The following TRIM7 variants were observed in gnomAD, a reference collection of about 807,000 sequenced individuals.
TRIM7 encodes the protein tripartite motif containing 7.
In TRIM7, 32 loss-of-function variants were observed where a neutral mutation model predicts 37.9. The ratio of observed to expected loss-of-function variants is 0.84; its 90% CI spans 0.64 to 1.13. The LOEUF (loss-of-function observed/expected upper bound fraction) is 1.13. Ranked by LOEUF, TRIM7 falls within the 50% of genes most tolerant of loss-of-function variation. TRIM7 has a pLI of 0.00. For missense variants in TRIM7, 732 were observed against 714.0 expected (o/e 1.03, Z -0.29); for synonymous variants, 351 against 321.3 (o/e 1.09, Z -0.99).
chr5:181,195,889 A>C, intron 6 of TRIM7: 1 of 496,970 alleles, frequency 2.0e-6, no homozygotes, highest in Non-Finnish European at 3.4e-6. Context: ...ACTTACTGAA[A>C]TCAAACAAAT....
At chr5:181,203,990 C>T in intron 1 of TRIM7, 1 of 1,066,166 alleles carries the variant, frequency 9.4e-7, no homozygotes, top group Non-Finnish European at 1.1e-6. Context: ...GCCGCCCGAG[C>T]CTCCCCGCCC....
chr5:181,198,575 C>A, intron 5 of TRIM7, 115 bp downstream of exon 5: 2 of 774,364 alleles, frequency 2.6e-6, no homozygotes, highest in South Asian at 3.1e-5. Context: ...CATGGCACAG[C>A]CAGCTCCTAT....
chr5:181,204,531 C>T lies in TRIM7; in HGVS notation c.522+58G>A, dbSNP rs1282447464. On this transcript the variant is annotated intron_variant, in intron 1 of 6. Coordinates refer to ENST00000274773, the MANE Select transcript of TRIM7 (RefSeq NM_203293.3). ...GTTCTCTGCACCCCGTGCGCGGGAGCGCGGGACCAAGTCAGGGGGTCCCGG... is the reference window on the plus strand; with the variant it reads ...GTTCTCTGCACCCCGTGCGCGGGAGTGCGGGACCAAGTCAGGGGGTCCCGG... The T allele has an allele frequency of 4.6e-6, 6 of 1,306,924 alleles. No homozygotes were observed. The African/African-American group carries it at 1.0e-4, about 23-fold the overall frequency. The allele number at this position is 1,306,924 out of a possible 1,614,324, so 81.0% of individuals were successfully genotyped here.
chr5:181,199,717 G>A (rs1757355617), intron 3 of TRIM7, 134 bp downstream of exon 3: 1 of 1,403,644 alleles, frequency 7.1e-7, no homozygotes, highest in South Asian at 1.5e-5. Context: ...GAAAATCAGG[G>A]CACTTCTCTC....
At chr5:181,198,597 G>A (rs1240536113) in intron 5 of TRIM7, 93 bp downstream of exon 5, 6 of 879,374 alleles carry the variant, frequency 6.8e-6, no homozygotes, top group African/African-American at 3.4e-5. Flanking sequence ...TTCACACACA[G>A]CTTCTGGAAA....
chr5:181,200,093 G>A lies in TRIM7; in HGVS notation c.619-12C>T. On this transcript the variant is annotated splice_polypyrimidine_tract_variant and intron_variant, in intron 2 of 6. Coordinates refer to ENST00000274773, the MANE Select transcript of TRIM7 (RefSeq NM_203293.3). ...GCTGCCATCTGTTTCTGTCCCAGGA[G>A]GAGAAGTTGGAGAGGGACTTGAACA... 1.2e-6 allele frequency: 2 copies of A among 1,614,288 alleles called. No homozygotes were observed. The highest frequency in any genetic ancestry group is 1.7e-6 in the Non-Finnish European group (2 of 1,180,058).
intron 2 of TRIM7, 135 bp downstream of exon 2, chr5:181,203,410 T>C: frequency 2.0e-6 from 3 of 1,514,360 alleles, no homozygotes; most frequent in African/African-American, 1.4e-5. Flanking sequence ...CTATATAATA[T>C]GGACTCTATT....
chr5:181,203,672 G>C, intron 1 of TRIM7, 32 bp from the exon 2 acceptor site: 1 of 1,577,642 alleles, frequency 6.3e-7, no homozygotes, highest in Non-Finnish European at 8.6e-7. Flanking sequence ...GTAAGGTGGG[G>C]GTGAGGGGCT....
Position 181,195,686 on chromosome 5 carries a change from A to C in TRIM7, c.1025-9T>G. On this transcript the variant is annotated splice_polypyrimidine_tract_variant and intron_variant, in intron 6 of 6. Coordinates refer to ENST00000274773, the MANE Select transcript of TRIM7 (RefSeq NM_203293.3). ...ATCCAAGGTGAGCTCCACTGCAGACAGAGACAGGGAGAAATGTCCCCACGC... is the reference window on the plus strand; with the variant it reads ...ATCCAAGGTGAGCTCCACTGCAGACCGAGACAGGGAGAAATGTCCCCACGC... 6.6e-7 allele frequency: 1 copy of C among 1,511,506 alleles called. No homozygotes were observed. Among genetic ancestry groups the C allele is most frequent in the Non-Finnish European group, 8.9e-7 (1 of 1,128,466 alleles). The allele number at this position is 1,511,506 out of a possible 1,614,324, so 93.6% of individuals were successfully genotyped here.
At position 181,203,941 on chromosome 5, in the gene TRIM7, G is replaced by A. The variant is rs566669376; in HGVS notation, c.523-301C>T. On this transcript the variant is annotated intron_variant, in intron 1 of 6. Coordinates refer to ENST00000274773, the MANE Select transcript of TRIM7 (RefSeq NM_203293.3). ...ACCAGGAAGCCCCGTGGCTGGGAGA[G>A]TTGGAGCAGGATGGGCCAGCAAGGA... 39 of 1,152,224 alleles carry A rather than the reference G, an allele frequency of 3.4e-5. No homozygotes were observed. The African/African-American group carries it at 5.9e-4, about 17-fold the overall frequency. The allele number at this position is 1,152,224 out of a possible 1,614,324, so 71.4% of individuals were successfully genotyped here. A position where few individuals can be genotyped will look rare whatever the true frequency, so the allele number is the denominator to read the frequency against.
intron 1 of TRIM7, 135 bp from the exon 2 acceptor site, chr5:181,203,775 A>G: frequency 1.4e-6 from 2 of 1,447,560 alleles, no homozygotes; most frequent in Non-Finnish European, 9.0e-7. Context: ...AGTCATCTCT[A>G]CAGGCTACAG....
In TRIM7 at chr5:181,205,130, A is replaced by G; in HGVS notation, c.-20T>C. On this transcript the variant is annotated 5_prime_UTR_variant, in exon 1 of 7. Coordinates refer to ENST00000274773, the MANE Select transcript of TRIM7 (RefSeq NM_203293.3). ...CGCCATGCGCGCTCTCCGCGCACCC[A>G]GATCTGGTCGCGCCTGGGCGGCCAC... 1 of 1,294,036 alleles carries G rather than the reference A, an allele frequency of 7.7e-7. No individual in the cohort carries two copies. Among genetic ancestry groups the G allele is most frequent in the Non-Finnish European group, 9.8e-7 (1 of 1,021,264 alleles). The allele number at this position is 1,294,036 out of a possible 1,614,324, so 80.2% of individuals were successfully genotyped here.
At position 181,195,065 on chromosome 5, in the gene TRIM7, AG is replaced by A. The variant is rs1757006459; in HGVS notation, c.*100del. 4 of 1,418,214 alleles carry A rather than the reference AG, an allele frequency of 2.8e-6. No individual in the cohort carries two copies. Among genetic ancestry groups the A allele is most frequent in the Non-Finnish European group, 3.8e-6 (4 of 1,047,702 alleles). The allele number at this position is 1,418,214 out of a possible 1,614,324, so 87.9% of individuals were successfully genotyped here. A position where few individuals can be genotyped will look rare whatever the true frequency, so the allele number is the denominator to read the frequency against. On this transcript the variant is annotated 3_prime_UTR_variant, in exon 7 of 7. Coordinates refer to ENST00000274773, the MANE Select transcript of TRIM7 (RefSeq NM_203293.3). ...CAGGCTCTCTTGGGCAGCAGGGGTCAGGAGCACGGAGGGCAGACCCAAGACG... is the reference window on the plus strand; with the variant it reads ...CAGGCTCTCTTGGGCAGCAGGGGTCAGAGCACGGAGGGCAGACCCAAGACG...
Position 181,195,515 on chromosome 5 carries a change from C to T in TRIM7, c.1187G>A (p.Arg396Gln), listed in dbSNP as rs762319634. 6.2e-7 allele frequency: 1 copy of T among 1,612,640 alleles called. No homozygotes were observed. Among genetic ancestry groups the T allele is most frequent in the South Asian group, 1.1e-5 (1 of 91,070 alleles). Reference sequence around the variant, plus strand: ...GCCCACCTCCACCTCCCAGTGATGCCGGCCCGAGGAGAAGCCGCAGGACGC... The same window carrying T: ...GCCCACCTCCACCTCCCAGTGATGCTGGCCCGAGGAGAAGCCGCAGGACGC... ...VLASCGFSSG[R>Q]HHWEVEVGSK... The change falls in exon 7 of 7, where the codon CGG (arginine) becomes CAG (glutamine). Residue 396 changes from arginine to glutamine, a missense_variant. Physicochemically the swap from Arg to Gln is conservative, Grantham distance 43 (BLOSUM62 1). Transcript: ENST00000274773.
At chr5:181,201,714 A>T (rs1235915109) in intron 2 of TRIM7, among the ~76,000 whole-genome samples, 2 of 152,238 alleles carry the variant, frequency 1.3e-5, no homozygotes, top group Admixed American at 6.5e-5. Context: ...TGACAAAGTG[A>T]GACTCTGTCT....
At chr5:181,204,376 GGGGGT>G in intron 1 of TRIM7, 2 of 1,218,922 alleles carry the variant, frequency 1.6e-6, no homozygotes, top group East Asian at 3.2e-5. Context: ...GAAACGCAGT[GGGGGT>G]GGGGTGGGGG....
At position 181,198,263 on chromosome 5, in the gene TRIM7, G is replaced by A. The variant is rs188037223; in HGVS notation, c.989-45C>T. ...CAAGGCGTGCATGAGCGACACGGGA[G>A]ATTATATGGCAAGGTCACCAGCTCT... On this transcript the variant is annotated intron_variant, in intron 5 of 6. Transcript: ENST00000274773. The A allele has an allele frequency of 2.7e-5, 44 of 1,601,934 alleles. No homozygotes were observed. In the East Asian group the frequency reaches 9.8e-4, roughly 36 times the overall value.
Position 181,195,668 on chromosome 5 carries a change from G to A in TRIM7, c.1034C>T (p.Thr345Ile). 6.6e-7 allele frequency: 1 copy of A among 1,524,218 alleles called. No individual in the cohort carries two copies. Among genetic ancestry groups the A allele is most frequent in the African/African-American group, 1.4e-5 (1 of 72,096 alleles). The allele number at this position is 1,524,218 out of a possible 1,614,324, so 94.4% of individuals were successfully genotyped here. ...CGGGTTGGCCGTGTCGGGATCCAAG[G>A]TGAGCTCCACTGCAGACAGAGACAG... ...ELEKEEKVEL[T>I]LDPDTANPRL... is the part of the protein sequence containing the mutation. Residue 345 changes from threonine to isoleucine, a missense_variant, in exon 7 of 7, where the codon ACC becomes ATC. Coordinates refer to ENST00000274773, the MANE Select transcript of TRIM7 (RefSeq NM_203293.3).
intron 6 of TRIM7, chr5:181,197,916 C>G (rs1223170961): frequency 3.8e-6 from 2 of 527,226 alleles, no homozygotes; most frequent in South Asian, 2.3e-5. Flanking sequence ...CCCAGGTGGC[C>G]GAGAAGCCTT....
Sources: allele counts gnomAD v4.1 joint callset (sites outside exome capture counted in the v4.1 genomes callset), GRCh38; gene constraint gnomAD v4.1.1; transcripts MANE v1.5; gene names NCBI Gene and HGNC (gene_info 2026-07-23, HGNC 2026-07-21).